The following PTPRS variants were observed in gnomAD, a reference collection of about 807,000 sequenced individuals.
The protein encoded by PTPRS is receptor-type tyrosine-protein phosphatase S.
In PTPRS, 63 loss-of-function variants were observed where a neutral mutation model predicts 215.3. The ratio of observed to expected loss-of-function variants is 0.29; its 90% CI spans 0.24 to 0.36. PTPRS has a LOEUF of 0.36. Ranked by LOEUF, PTPRS falls within the 10% of genes least tolerant of loss-of-function variation. The pLI is 1.00. For synonymous variants in PTPRS, 1,404 were observed against 1,191.4 expected (o/e 1.18, Z -3.68); for missense variants, 2,258 against 2,825.8 (o/e 0.80, Z 4.56).
rs2040754422 is a variant in PTPRS at position 5,210,322 on chromosome 19, G to C, written c.5487+147C>G. The C allele has an allele frequency of 8.6e-7, 1 of 1,161,966 alleles. No individual in the cohort carries two copies. Among genetic ancestry groups the C allele is most frequent in the Non-Finnish European group, 1.2e-6 (1 of 809,392 alleles). The allele number at this position is 1,161,966 out of a possible 1,614,324, so 72.0% of individuals were successfully genotyped here. On this transcript the variant is annotated intron_variant, in intron 35 of 37. Coordinates refer to ENST00000262963, the MANE Select transcript of PTPRS (RefSeq NM_002850.4). The surrounding 1 kb of genome is among the most constrained non-coding windows in gnomAD (Gnocchi z 4.5). ...CTCTTCCACCTATGTGGCAGTAGAA[G>C]CAAGTGGCCAACTGGTCAGCTGACA...
Position 5,284,416 on chromosome 19 carries a change from TAAA to T in PTPRS, c.91+1631_91+1633del, listed in dbSNP as rs775455834. On this transcript the variant is annotated intron_variant, in intron 2 of 37. Transcript: ENST00000262963. ...ATAAATAAATAAATAAATAAATAAA[TAAA>T]AATTAGCCAGGTCAGGCACAGTGGC... 2.3e-3 allele frequency among the ~76,000 whole-genome samples: 202 copies of T among 88,722 alleles called. 1 individual carries two copies. Among genetic ancestry groups the T allele is most frequent in the Middle Eastern group, 7.2e-3 (1 of 138 alleles). The allele number at this position is 88,722 out of a possible 152,430, so 58.2% of individuals were successfully genotyped here.
intron 9 of PTPRS, among the ~76,000 whole-genome samples, chr19:5,255,672 G>C (rs1011122634): frequency 3.3e-5 from 5 of 152,160 alleles, no homozygotes; most frequent in African/African-American, 1.2e-4. Context: ...AACAGAAGGC[G>C]TTGGGAATTC....
chr19:5,243,363 T>A (rs959462131), intron 11 of PTPRS, among the ~76,000 whole-genome samples: 1 of 152,074 alleles, frequency 6.6e-6, no homozygotes, highest in Non-Finnish European at 1.5e-5. Flanking sequence ...CTCAAACTCC[T>A]GACCTCAGGT....
At chr19:5,223,719 C>G (rs964529389) in intron 17 of PTPRS, among the ~76,000 whole-genome samples, 1 of 151,398 alleles carries the variant, frequency 6.6e-6, no homozygotes, top group African/African-American at 2.4e-5. Flanking sequence ...CACACCACCA[C>G]GCCTGGGTAA....
Position 5,259,941 on chromosome 19 carries a change from C to G in PTPRS, c.595+864G>C, listed in dbSNP as rs567640106. Among the ~76,000 whole-genome samples, 3 of 152,280 alleles carry G rather than the reference C, an allele frequency of 2.0e-5. No homozygotes were observed. In the South Asian group the frequency reaches 6.2e-4, roughly 32 times the overall value. On this transcript the variant is annotated intron_variant, in intron 7 of 37. Transcript: ENST00000262963. ...ATCACTAAGGAGGCCCAGAGAGGGT[C>G]AGGAGACTGCTCTAGGTCACACAGC...
In PTPRS at chr19:5,222,885, C is replaced by T. The variant is rs1293719063; in HGVS notation, c.2907G>A (p.Val969=). The T allele has an allele frequency of 3.2e-6, 5 of 1,575,632 alleles. No individual in the cohort carries two copies. Among genetic ancestry groups the T allele is most frequent in the Non-Finnish European group, 3.4e-6 (4 of 1,167,536 alleles). The change falls in exon 18 of 38, where the codon GTG becomes GTA. Residue 969 remains valine (V), a synonymous_variant. Coordinates refer to ENST00000262963, the MANE Select transcript of PTPRS (RefSeq NM_002850.4). ...CAGGGCCCAGGGCACCGGCCTCCCG[C>T]ACGGCCACCGTGTATTTGACGATGG... ...NGAIVKYTVA[V]REAGALGPAR...
chr19:5,205,539 A>G lies in PTPRS; in HGVS notation c.*1235T>C, dbSNP rs555667629. 3.3e-5 allele frequency among the ~76,000 whole-genome samples: 5 copies of G among 152,330 alleles called. No homozygotes were observed. The East Asian group carries it at 5.8e-4, about 18-fold the overall frequency. ...GATCTTCCTTTAATACAAAGTCGAT[A>G]TATCTACATACACGGGGGTGGGAAA... On this transcript the variant is annotated 3_prime_UTR_variant, in exon 38 of 38. Coordinates refer to ENST00000262963, the MANE Select transcript of PTPRS (RefSeq NM_002850.4).
Position 5,238,978 on chromosome 19 carries a change from C to T in PTPRS, c.1790G>A (p.Arg597His), listed in dbSNP as rs1294241597. 21 of 1,612,628 alleles carry T rather than the reference C, an allele frequency of 1.3e-5. No individual in the cohort carries two copies. Among genetic ancestry groups the T allele is most frequent in the African/African-American group, 2.7e-5 (2 of 74,828 alleles). ...GAAGGCGCCCAGGCCCTGCGGCGAG[C>T]GGGCCGCCAGGCGGAAGGCGTACTC... ...NTEYAFRLAA[R>H]SPQGLGAFTP... The change falls in exon 13 of 38, where the codon CGC (arginine) becomes CAC (histidine). Residue 597 changes from arginine to histidine, a missense_variant. Arg to His is a conservative substitution (Grantham distance 29, BLOSUM62 0). Around this residue, in one of 6 missense-constraint regions of PTPRS, gnomAD observed 371 missense variants for 446.7 expected, o/e 0.83. Coordinates refer to ENST00000262963, the MANE Select transcript of PTPRS (RefSeq NM_002850.4).
In PTPRS at chr19:5,211,598, A is replaced by G. The variant is rs567493734; in HGVS notation, c.5226T>C (p.Asp1742=). The change falls in exon 33 of 38, where the codon GAT becomes GAC. Residue 1742 remains aspartate (D), a synonymous_variant. Coordinates refer to ENST00000262963, the MANE Select transcript of PTPRS (RefSeq NM_002850.4). ...AAAGGCATGGCACCTACCTGTAGCC[A>G]TCAATGAAGCTGGCGTTGATGTAGT... is the stretch of plus-strand genomic sequence containing the variant. ...GSDYINASFI[D]GYRQQKAYIA... is the part of the protein sequence containing the mutation. 6.2e-6 allele frequency: 10 copies of G among 1,608,030 alleles called. No individual in the cohort carries two copies. The South Asian group carries it at 7.7e-5, about 12-fold the overall frequency.
rs570209989 is a variant in PTPRS at position 5,295,772 on chromosome 19, G to C, written c.-94-9538C>G. On this transcript the variant is annotated intron_variant, in intron 1 of 37. Transcript: ENST00000262963. This position sits in a 1 kb window ranked among gnomAD's most constrained non-coding sequence, Gnocchi z 4.6. ...TACCCTTTTTTCAAGACAGGGTCTC[G>C]CTCTGTTGCTCAGGCTGGAGTGCAG... is the stretch of plus-strand genomic sequence containing the variant. 6.6e-6 allele frequency among the ~76,000 whole-genome samples: 1 copy of C among 152,100 alleles called. No homozygotes were observed. The highest frequency in any genetic ancestry group is 2.4e-5 in the African/African-American group (1 of 41,456).
chr19:5,207,648 C>G (rs1435307777), intron 37 of PTPRS, among the ~76,000 whole-genome samples: 1 of 152,194 alleles, frequency 6.6e-6, no homozygotes, highest in Non-Finnish European at 1.5e-5. Context: ...TGGCAGGGTC[C>G]AGGCTGAGCC....
chr19:5,240,134 G>A (rs973206293), intron 12 of PTPRS, 65 bp downstream of exon 12: 20 of 1,425,876 alleles, frequency 1.4e-5, no homozygotes, highest in Non-Finnish European at 1.8e-5. Flanking sequence ...GAGACAAGGC[G>A]GGCAGCGTCA....
intron 1 of PTPRS, among the ~76,000 whole-genome samples, chr19:5,340,406 C>T (rs935795896): frequency 2.4e-4 from 36 of 151,296 alleles, no homozygotes; most frequent in African/African-American, 8.7e-4. Context: ...GACGAAGCCC[C>T]CCCAGCACCC....
chr19:5,225,730 C>G lies in PTPRS; in HGVS notation c.2491G>C (p.Ala831Pro). 1 of 1,613,780 alleles carries G rather than the reference C, an allele frequency of 6.2e-7. No individual in the cohort carries two copies. Among genetic ancestry groups the G allele is most frequent in the Non-Finnish European group, 8.5e-7 (1 of 1,179,770 alleles). Residue 831 changes from alanine (A) to proline (P), a missense_variant, in exon 17 of 38, where the codon GCA becomes CCA. Physicochemically the swap from Ala to Pro is conservative, Grantham distance 27. Around this residue, in one of 6 missense-constraint regions of PTPRS, gnomAD observed 371 missense variants for 446.7 expected, o/e 0.83. Coordinates refer to ENST00000262963, the MANE Select transcript of PTPRS (RefSeq NM_002850.4). ...SKPKVVVTKG[A>P]VLGRPTLSVQ... ...GGGAGGAGGGCGGGTTGCATACCTG[C>G]TCCCTTGGTCACAACCACCTTGGGT...
At chr19:5,275,404 A>G (rs910221679) in intron 2 of PTPRS, among the ~76,000 whole-genome samples, 2 of 147,494 alleles carry the variant, frequency 1.4e-5, no homozygotes, top group African/African-American at 5.0e-5. Context: ...TTTTTTCCTG[A>G]GAGATAGGGA....
chr19:5,255,981 A>T (rs1357814848), intron 9 of PTPRS, 127 bp downstream of exon 9: 12 of 620,510 alleles, frequency 1.9e-5, no homozygotes, highest in Admixed American at 3.9e-5. Context: ...TCATTTTTCT[A>T]TTTTTTTTCC....
chr19:5,228,345 G>GA lies in PTPRS; in HGVS notation c.2376+970dup, dbSNP rs1491502602. ...GGGCGATAGTGTGAGACTCCGTCTGGAGAAAAAAAAAAAAAAAAGAGACAG... is the reference window on the plus strand; with the variant it reads ...GGGCGATAGTGTGAGACTCCGTCTGGAAGAAAAAAAAAAAAAAAAGAGACAG... On this transcript the variant is annotated intron_variant, in intron 16 of 37. Coordinates refer to ENST00000262963, the MANE Select transcript of PTPRS (RefSeq NM_002850.4). Among the ~76,000 whole-genome samples the GA allele has an allele frequency of 6.9e-4, 23 of 33,264 alleles. 1 individual carries two copies. Among genetic ancestry groups the GA allele is most frequent in the African/African-American group, 1.6e-3 (17 of 10,512 alleles). 21.8% of individuals were successfully genotyped at this position (33,264 alleles called of 152,430 possible). A position where few individuals can be genotyped will look rare whatever the true frequency, so the allele number is the denominator to read the frequency against.
At chr19:5,254,099 A>AG (rs1257124167) in intron 9 of PTPRS, among the ~76,000 whole-genome samples, 1 of 152,162 alleles carries the variant, frequency 6.6e-6, no homozygotes, top group African/African-American at 2.4e-5. Context: ...TGGTCTTCAG[A>AG]GACCCTCTGT....
Position 5,237,253 on chromosome 19 carries a change from T to G in PTPRS, c.1849+1666A>C, listed in dbSNP as rs576955706. Reference sequence around the variant, plus strand: ...AGACCCACGGCTGAGTGGTCTGACCTGCACCTACCCTGTGTTCAGCCTAAG... The same window carrying G: ...AGACCCACGGCTGAGTGGTCTGACCGGCACCTACCCTGTGTTCAGCCTAAG... On this transcript the variant is annotated intron_variant, in intron 13 of 37. Coordinates refer to ENST00000262963, the MANE Select transcript of PTPRS (RefSeq NM_002850.4). The surrounding 1 kb of genome is among the most constrained non-coding windows in gnomAD (Gnocchi z 4.2). Among the ~76,000 whole-genome samples the G allele has an allele frequency of 7.0e-4, 106 of 152,186 alleles. No individual in the cohort carries two copies. The Middle Eastern group carries it at 0.01, about 15-fold the overall frequency.
Sources: allele counts gnomAD v4.1 joint callset (sites outside exome capture counted in the v4.1 genomes callset), GRCh38; gene constraint gnomAD v4.1.1; regional missense constraint gnomAD v4.1.1; non-coding constraint Gnocchi (gnomAD v3.1); transcripts MANE v1.5; gene names NCBI Gene and HGNC (gene_info 2026-07-23, HGNC 2026-07-21).